The following LCORL variants were observed in gnomAD, a reference collection of about 807,000 sequenced individuals.
The protein encoded by LCORL is ligand-dependent nuclear receptor corepressor-like protein.
A neutral mutation model predicts 141.8 loss-of-function variants in LCORL; 41 were observed. The ratio of observed to expected loss-of-function variants is 0.29; its 90% CI spans 0.23 to 0.38. The LOEUF (loss-of-function observed/expected upper bound fraction) is 0.38. Ranked by LOEUF, LCORL falls within the 10% of genes least tolerant of loss-of-function variation. The pLI is 1.00. For missense variants in LCORL, 1,759 were observed against 2,035.0 expected, an observed-to-expected ratio of 0.86 and a Z score of 2.61; for synonymous variants, 618 against 694.1, an observed-to-expected ratio of 0.89 and a Z score of 1.72.
intron 7 of LCORL, among the ~76,000 whole-genome samples, chr4:17,857,382 G>T (rs755997388): frequency 2.3e-4 from 35 of 152,184 alleles, no homozygotes; most frequent in Admixed American, 2.2e-3. Flanking sequence ...AAGAATCAAT[G>T]AAAAGAACCA....
chr4:17,857,760 CCT>C (rs1424833721), intron 7 of LCORL, among the ~76,000 whole-genome samples: 2 of 152,186 alleles, frequency 1.3e-5, no homozygotes, highest in African/African-American at 4.8e-5. Flanking sequence ...GCCCAAATAT[CCT>C]CTGAGACAAA....
At chr4:17,933,461 T>C (rs1486634508) in intron 4 of LCORL, among the ~76,000 whole-genome samples, 1 of 152,108 alleles carries the variant, frequency 6.6e-6, no homozygotes, top group Non-Finnish European at 1.5e-5. Context: ...CTATTCTCCT[T>C]TGAAATTAAG....
At chr4:17,872,429 AAAC>A (rs1170093393) in intron 7 of LCORL, among the ~76,000 whole-genome samples, 4 of 152,144 alleles carry the variant, frequency 2.6e-5, no homozygotes, top group African/African-American at 7.2e-5. Context: ...ACAAAAACAA[AAAC>A]AACAACAAAA....
At chr4:18,013,629 G>A (rs1724146444) in intron 1 of LCORL, among the ~76,000 whole-genome samples, 1 of 152,152 alleles carries the variant, frequency 6.6e-6, no homozygotes, top group Non-Finnish European at 1.5e-5. Context: ...CCACTTGTGA[G>A]GACTTATTAG....
chr4:17,913,724 GTC>G (rs1482874876), intron 4 of LCORL, among the ~76,000 whole-genome samples: 2 of 152,090 alleles, frequency 1.3e-5, no homozygotes, highest in Non-Finnish European at 2.9e-5. Flanking sequence ...ATCATCAGGC[GTC>G]CACCTTACAG....
intron 2 of LCORL, among the ~76,000 whole-genome samples, chr4:17,968,263 T>C (rs753552578): frequency 6.6e-6 from 1 of 152,210 alleles, no homozygotes. Context: ...TAAACATACA[T>C]ATGTGATAAG....
intron 7 of LCORL, among the ~76,000 whole-genome samples, chr4:17,857,937 A>G (rs1488756808): frequency 6.6e-6 from 1 of 152,220 alleles, no homozygotes; most frequent in Non-Finnish European, 1.5e-5. Context: ...TCACAATAAT[A>G]TAAAATTCAC....
In LCORL at chr4:17,874,854, T is replaced by C. The variant is rs1726746693; in HGVS notation, c.4136A>G (p.Lys1379Arg). 2.4e-6 allele frequency: 3 copies of C among 1,233,694 alleles called. No individual in the cohort carries two copies. In the Admixed American group the frequency reaches 1.3e-4, roughly 52 times the overall value. 76.4% of individuals were successfully genotyped at this position (1,233,694 alleles called of 1,614,324 possible). A position where few individuals can be genotyped will look rare whatever the true frequency, so the allele number is the denominator to read the frequency against. The change falls in exon 7 of 8, where the codon AAG (lysine) becomes AGG (arginine). Residue 1379 changes from lysine (K) to arginine (R), a missense_variant. Lys to Arg is a conservative substitution (Grantham distance 26). This residue lies in a region of LCORL where 1,311 missense variants were observed against 1,531.3 expected (regional missense o/e 0.86). Coordinates refer to ENST00000635767, the Ensembl canonical transcript of LCORL. Reference sequence around the variant, plus strand: ...GGTATCTTTGTAAGCTATTTTCATCTTTGAGTGCCTATGTTTTTCCTTCTG... The same window carrying C: ...GGTATCTTTGTAAGCTATTTTCATCCTTGAGTGCCTATGTTTTTCCTTCTG...
chr4:17,842,507 G>A (rs1241359151), exon 8 of LCORL: 2 of 736,024 alleles, frequency 2.7e-6, no homozygotes, highest in South Asian at 1.7e-5. Flanking sequence ...ATAAATAGCT[G>A]TCTTAGGTAT....
At chr4:17,953,403 C>T (rs553710152) in intron 4 of LCORL, among the ~76,000 whole-genome samples, 2 of 152,326 alleles carry the variant, frequency 1.3e-5, no homozygotes, top group African/African-American at 4.8e-5. Context: ...ACTTCGCCTG[C>T]ATCTGTTCCC....
At chr4:17,924,394 C>G (rs1214909953) in intron 4 of LCORL, among the ~76,000 whole-genome samples, 1 of 152,166 alleles carries the variant, frequency 6.6e-6, no homozygotes, top group Non-Finnish European at 1.5e-5. Flanking sequence ...CTTCCAATCA[C>G]CAAGGCTGAC....
At chr4:17,892,412 T>C (rs1729251528) in intron 5 of LCORL, among the ~76,000 whole-genome samples, 1 of 152,042 alleles carries the variant, frequency 6.6e-6, no homozygotes, top group African/African-American at 2.4e-5. Flanking sequence ...TTTCACCATA[T>C]TGGCCAGGCT....
chr4:17,852,842 T>G (rs1267347162), intron 7 of LCORL, among the ~76,000 whole-genome samples: 1 of 152,132 alleles, frequency 6.6e-6, no homozygotes, highest in African/African-American at 2.4e-5. Flanking sequence ...AAGTCTAATC[T>G]TCACAAAAGT....
intron 5 of LCORL, among the ~76,000 whole-genome samples, chr4:17,897,288 T>C (rs562107743): frequency 2.1e-5 from 3 of 143,494 alleles, no homozygotes; most frequent in African/African-American, 5.0e-5. Context: ...CTGGATCATA[T>C]AGTGGCTCTA....
chr4:17,966,663 T>A (rs916746757), intron 2 of LCORL, among the ~76,000 whole-genome samples: 1 of 152,218 alleles, frequency 6.6e-6, no homozygotes, highest in South Asian at 2.1e-4. Context: ...CCCAAGAAGA[T>A]ACATAGTGGC....
chr4:17,876,182 G>A, exon 7 of LCORL: 1 of 1,230,890 alleles, frequency 8.1e-7, no homozygotes, highest in Non-Finnish European at 1.0e-6. Flanking sequence ...TTTCAACACT[G>A]GAAATCAAGC....
intron 5 of LCORL, among the ~76,000 whole-genome samples, chr4:17,888,886 T>C (rs1476740244): frequency 6.6e-6 from 1 of 152,138 alleles, no homozygotes; most frequent in Non-Finnish European, 1.5e-5. Flanking sequence ...CTCATTTTGA[T>C]TTTGCTCATT....
chr4:17,882,002 C>T (rs1192389333), intron 6 of LCORL: 1 of 972,344 alleles, frequency 1.0e-6, no homozygotes, highest in Non-Finnish European at 1.2e-6. Flanking sequence ...AAAGAGGATT[C>T]ATACCCTAGT....
intron 5 of LCORL, among the ~76,000 whole-genome samples, chr4:17,887,896 T>C (rs1728514862): frequency 6.6e-6 from 1 of 152,112 alleles, no homozygotes; most frequent in Admixed American, 6.6e-5. Context: ...TTCATACTCT[T>C]CTCCTCCTGA....
Sources: gnomAD v4.1 joint callset for allele counts (sites outside exome capture counted in the v4.1 genomes callset) on GRCh38, gnomAD v4.1.1 for gene constraint, gnomAD v4.1.1 regional missense constraint, MANE v1.5 for transcripts, NCBI Gene and HGNC (gene_info 2026-07-23, HGNC 2026-07-21) for gene names.